The following ASB4 variants were observed in gnomAD, a reference collection of about 807,000 sequenced individuals.
The protein encoded by ASB4 is ankyrin repeat and SOCS box protein 4.
In ASB4, 35 loss-of-function variants were observed where a neutral mutation model predicts 38.6. The observed-to-expected ratio is 0.91, with a 90% CI of 0.69 to 1.20. The LOEUF (loss-of-function observed/expected upper bound fraction) is 1.20, where lower values mean the gene tolerates loss of function less well. ASB4 is among the 50% of genes most tolerant of loss of function. The pLI, the probability that ASB4 is intolerant of heterozygous loss-of-function variation, is 0.00. For synonymous variants in ASB4, 195 were observed against 201.3 expected (o/e 0.97, Z 0.26); for missense variants, 557 against 527.2 (o/e 1.06, Z -0.55).
At chr7:95,546,425 T>A in the ASB4 span, among the ~76,000 whole-genome samples, 8 of 149,940 alleles carry the variant, frequency 5.3e-5, no homozygotes, top group African/African-American at 2.0e-4. Context: ...TCTTAAATAT[T>A]TTTTTTTCTG....
chr7:95,532,729 T>C (rs1264433893), intron 3 of ASB4, among the ~76,000 whole-genome samples: 1 of 152,114 alleles, frequency 6.6e-6, no homozygotes, highest in Non-Finnish European at 1.5e-5. Flanking sequence ...TTTTAAGAGA[T>C]TGTGTATTAA....
intron 2 of ASB4, among the ~76,000 whole-genome samples, chr7:95,512,796 G>A (rs1025739045): frequency 4.6e-5 from 7 of 152,118 alleles, no homozygotes; most frequent in Non-Finnish European, 8.8e-5. Context: ...CCCTGTGTAC[G>A]TCAGTCTTCT....
At chr7:95,532,346 G>T (rs193051414) in intron 3 of ASB4, among the ~76,000 whole-genome samples, 2 of 152,122 alleles carry the variant, frequency 1.3e-5, no homozygotes, top group Non-Finnish European at 2.9e-5. Context: ...ATAAGCGGGG[G>T]AAAAAAGAAT....
intron 2 of ASB4, 144 bp from the exon 3 acceptor site, chr7:95,527,668 TG>T (rs1562820925): frequency 1.2e-6 from 1 of 817,916 alleles, no homozygotes; most frequent in Non-Finnish European, 1.9e-6. Flanking sequence ...GAAGAGAGCC[TG>T]GGGGCAAAGG....
At chr7:95,476,294 C>T (rs1336004364), upstream of ASB4, among the ~76,000 whole-genome samples, 1 of 152,196 alleles carries the variant, frequency 6.6e-6, no homozygotes, top group Admixed American at 6.5e-5. Flanking sequence ...CCAGAGTCAT[C>T]GGATAGCTTT....
the ASB4 span, among the ~76,000 whole-genome samples, chr7:95,472,780 G>T: frequency 6.6e-6 from 1 of 152,128 alleles, no homozygotes; most frequent in Non-Finnish European, 1.5e-5. Context: ...GCCCCAAGGA[G>T]CACTCCTCAG....
chr7:95,491,072 G>T (rs1790164172), intron 1 of ASB4, among the ~76,000 whole-genome samples: 1 of 152,136 alleles, frequency 6.6e-6, no homozygotes, highest in African/African-American at 2.4e-5. Flanking sequence ...ATCTTCATTT[G>T]TAAAATGGAA....
chr7:95,500,568 C>CA (rs771099175), intron 2 of ASB4, among the ~76,000 whole-genome samples: 1,170 of 40,998 alleles, frequency 0.029, 213 homozygotes, highest in African/African-American at 0.072. Flanking sequence ...AGATCTGTCT[C>CA]AAAAAAAAAA....
chr7:95,479,941 C>T (rs1226607676), intron 1 of ASB4, among the ~76,000 whole-genome samples: 6 of 152,064 alleles, frequency 3.9e-5, no homozygotes, highest in Non-Finnish European at 1.5e-5. Context: ...TCTGCTGCTC[C>T]CATGGCCTAG....
chr7:95,505,690 C>G (rs896675011), intron 2 of ASB4, among the ~76,000 whole-genome samples: 5 of 140,248 alleles, frequency 3.6e-5, no homozygotes, highest in Non-Finnish European at 6.2e-5. Flanking sequence ...TCCGTGTCCC[C>G]CCCCCCCCAA....
intron 2 of ASB4, among the ~76,000 whole-genome samples, chr7:95,520,111 A>G (rs921813292): frequency 1.3e-5 from 2 of 152,196 alleles, no homozygotes; most frequent in African/African-American, 4.8e-5. Context: ...GTGCTGGGGC[A>G]TTATATTCAA....
intron 2 of ASB4, among the ~76,000 whole-genome samples, chr7:95,498,748 A>G (rs75209527): frequency 0.21 from 32,006 of 152,010 alleles, 3,593 homozygotes; most frequent in Middle Eastern, 0.33. Flanking sequence ...TTTGTTTCAT[A>G]TGTTTATTTC....
intron 2 of ASB4, among the ~76,000 whole-genome samples, chr7:95,518,285 T>G (rs1251465867): frequency 6.6e-6 from 1 of 152,148 alleles, no homozygotes; most frequent in Non-Finnish European, 1.5e-5. Context: ...GAAATAAGAG[T>G]GGCTTCCAGG....
chr7:95,486,247 T>C, intron 1 of ASB4, 89 bp downstream of exon 1: 2 of 995,310 alleles, frequency 2.0e-6, no homozygotes, highest in Non-Finnish European at 2.9e-6. Flanking sequence ...ACAGTAGTTT[T>C]TATTGTTTCT....
chr7:95,486,341 A>G (rs1790090454), intron 1 of ASB4, among the ~76,000 whole-genome samples, 183 bp downstream of exon 1: 2 of 152,310 alleles, frequency 1.3e-5, no homozygotes, highest in East Asian at 1.9e-4. Flanking sequence ...ATATATATGT[A>G]TAAGTCGTGT....
chr7:95,507,973 G>T (rs1404677889), intron 2 of ASB4, among the ~76,000 whole-genome samples: 1 of 152,038 alleles, frequency 6.6e-6, no homozygotes, highest in African/African-American at 2.4e-5. Flanking sequence ...TAAAAAGGAG[G>T]GTGTCTGAAA....
intron 2 of ASB4, among the ~76,000 whole-genome samples, chr7:95,504,105 C>T (rs1446458949): frequency 6.6e-6 from 1 of 152,132 alleles, no homozygotes; most frequent in Non-Finnish European, 1.5e-5. Flanking sequence ...AGAGTCGGGG[C>T]AGGTTTAGGT....
At chr7:95,499,868 T>C (rs1486817702) in intron 2 of ASB4, among the ~76,000 whole-genome samples, 2 of 64,554 alleles carry the variant, frequency 3.1e-5, no homozygotes, top group Admixed American at 1.7e-4. Context: ...ACATCCTCTT[T>C]TTTTTTTTTT....
At chr7:95,493,859 C>CT (rs35697414) in intron 1 of ASB4, among the ~76,000 whole-genome samples, 11 of 152,042 alleles carry the variant, frequency 7.2e-5, no homozygotes. Context: ...AGAACTGCCC[C>CT]TTTTTTTAAT....
Sources: allele counts gnomAD v4.1 joint callset (sites outside exome capture counted in the v4.1 genomes callset), GRCh38; gene constraint gnomAD v4.1.1; transcripts MANE v1.5; gene names NCBI Gene and HGNC (gene_info 2026-07-23, HGNC 2026-07-21).